Variants in PRDM16 observed in about 807,000 individuals in gnomAD.
The protein encoded by PRDM16 is histone-lysine N-methyltransferase PRDM16.
In PRDM16, 23 loss-of-function variants were observed where a neutral mutation model predicts 110.6. The ratio of observed to expected loss-of-function variants is 0.21; its 90% CI spans 0.15 to 0.29. The LOEUF (loss-of-function observed/expected upper bound fraction) is 0.29, where lower values mean the gene tolerates loss of function less well. Among genes scored for constraint, PRDM16 ranks in the 10% least tolerant of loss-of-function variants. PRDM16 has a pLI of 1.00. For synonymous variants in PRDM16, 799 were observed against 781.8 expected (o/e 1.02, Z -0.37); for missense variants, 1,615 against 1,794.3 (o/e 0.90, Z 1.81).
chr1:3,185,631 T>C (rs913774763), intron 1 of PRDM16, among the ~76,000 whole-genome samples: 2 of 152,242 alleles, frequency 1.3e-5, no homozygotes, highest in African/African-American at 2.4e-5. Flanking sequence ...CCCAGGCACT[T>C]AGGACTTCTG....
chr1:3,087,242 C>T (rs527983451), intron 1 of PRDM16, among the ~76,000 whole-genome samples: 4 of 148,198 alleles, frequency 2.7e-5, no homozygotes, highest in East Asian at 2.0e-4. Context: ...CCAGCCCCAC[C>T]GGAGACCAGC....
intron 8 of PRDM16, among the ~76,000 whole-genome samples, chr1:3,409,030 T>A (rs1178092986): frequency 6.7e-6 from 1 of 150,332 alleles, no homozygotes; most frequent in African/African-American, 2.5e-5. Flanking sequence ...TCAGTGTGTG[T>A]GAGTGTGGGC....
At chr1:3,379,916 G>A (rs370016310) in intron 3 of PRDM16, among the ~76,000 whole-genome samples, 18 of 1,330 alleles carry the variant, frequency 0.014, no homozygotes, top group Admixed American at 0.033. Flanking sequence ...ACCCCTCCCA[G>A]CACACCCCTC....
chr1:3,362,879 A>G (rs79958519), intron 3 of PRDM16, among the ~76,000 whole-genome samples: 2,177 of 152,242 alleles, frequency 0.014, 53 homozygotes, highest in African/African-American at 0.049. Context: ...TCCCTGTAGC[A>G]CACTCTCAGC....
At chr1:3,263,802 C>T (rs1334257673) in intron 3 of PRDM16, among the ~76,000 whole-genome samples, 1 of 152,222 alleles carries the variant, frequency 6.6e-6, no homozygotes, top group East Asian at 1.9e-4. Flanking sequence ...AAGCCTTTGC[C>T]ACCCATTAGA....
At chr1:3,259,921 G>A (rs1409862905) in intron 3 of PRDM16, among the ~76,000 whole-genome samples, 5 of 152,078 alleles carry the variant, frequency 3.3e-5, no homozygotes, top group Non-Finnish European at 7.4e-5. Flanking sequence ...GGGCACCCAG[G>A]ATCTTCCATT....
intron 9 of PRDM16, among the ~76,000 whole-genome samples, chr1:3,413,143 C>T (rs1643722529): frequency 1.3e-5 from 2 of 151,074 alleles, no homozygotes; most frequent in Admixed American, 1.3e-4. Flanking sequence ...CCACCCCAAC[C>T]CACACCCTTC....
rs557456204 is a variant in PRDM16, at chr1:3,314,836, G to A, written c.439-70316G>A. On this transcript the variant is annotated intron_variant, in intron 3 of 16. Coordinates refer to ENST00000270722, the MANE Select transcript of PRDM16 (RefSeq NM_022114.4). ...CTGGCAGACAGATGGGACAGGAAAC[G>A]GGGAGTTTATTTCAGCCTTCGCCCT... Among the ~76,000 whole-genome samples, 33 of 152,244 alleles carry A rather than the reference G, an allele frequency of 2.2e-4. 1 individual carries two copies. Among genetic ancestry groups the A allele is most frequent in the South Asian group, 4.1e-4 (2 of 4,826 alleles).
rs75521996 is a variant in PRDM16, at chr1:3,313,852, C to T, written c.438+69715C>T. Reference sequence around the variant, plus strand: ...CCTTGTAGTGCAGCGAATCTGGACCCGGCCCAGCGTCCAGAGACAGGAAGC... The same window carrying T: ...CCTTGTAGTGCAGCGAATCTGGACCTGGCCCAGCGTCCAGAGACAGGAAGC... On this transcript the variant is annotated intron_variant, in intron 3 of 16. Transcript: ENST00000270722. 4.4e-3 allele frequency among the ~76,000 whole-genome samples: 664 copies of T among 152,364 alleles called. 1 individual carries two copies. Among genetic ancestry groups the T allele is most frequent in the Non-Finnish European group, 7.1e-3 (482 of 68,032 alleles).
chr1:3,398,125 C>T (rs569667689), intron 5 of PRDM16, among the ~76,000 whole-genome samples: 23 of 152,274 alleles, frequency 1.5e-4, no homozygotes, highest in East Asian at 3.9e-4. Context: ...TCTTAGACAG[C>T]GCACAAGAAC....
At chr1:3,114,992 G>C (rs1016995592) in intron 1 of PRDM16, among the ~76,000 whole-genome samples, 2 of 152,264 alleles carry the variant, frequency 1.3e-5, no homozygotes, top group Non-Finnish European at 2.9e-5. Flanking sequence ...CCCCACCCCT[G>C]GCTGGTGACA....
chr1:3,146,154 G>A lies in PRDM16; in HGVS notation c.38-39971G>A, dbSNP rs538983809. 9.2e-5 allele frequency among the ~76,000 whole-genome samples: 14 copies of A among 152,294 alleles called. No homozygotes were observed. The South Asian group carries it at 1.0e-3, about 11-fold the overall frequency. On this transcript the variant is annotated intron_variant, in intron 1 of 16. Transcript: ENST00000270722. ...CTGCACTGCAGACTCTCCAGCCCCC[G>A]CACATTTGGGATATTCTGCCGCCTT... is the stretch of plus-strand genomic sequence containing the variant.
intron 16 of PRDM16, 44 bp downstream of exon 16, chr1:3,432,184 T>TCAGCCAGAGGA (rs1470685658): frequency 2.0e-5 from 31 of 1,566,182 alleles, no homozygotes; most frequent in Non-Finnish European, 2.6e-5. Context: ...CCTGGCCTCC[T>TCAGCCAGAGGA]CAGCCAGAGG....
chr1:3,310,033 CCTT>C (rs1641412035), intron 3 of PRDM16: 1 of 152,216 alleles, frequency 6.6e-6, no homozygotes, highest in Non-Finnish European at 1.5e-5. Flanking sequence ...AGTGGGCATG[CCTT>C]CCTGGGTGCA....
intron 1 of PRDM16, among the ~76,000 whole-genome samples, chr1:3,084,711 A>G (rs1382050671): frequency 6.6e-6 from 1 of 152,118 alleles, no homozygotes. Context: ...ACCCGCTTCA[A>G]AAAACACAGT....
chr1:3,374,615 G>A (rs1278164454), intron 3 of PRDM16, among the ~76,000 whole-genome samples: 2 of 152,138 alleles, frequency 1.3e-5, no homozygotes, highest in African/African-American at 2.4e-5. Context: ...CCTGGGGGCC[G>A]CTGTGCACAT....
In PRDM16 at chr1:3,245,906, C is replaced by T. The variant is rs543422193; in HGVS notation, c.438+1769C>T. ...TTTCCACCCCGATGCGTCCCTGGAC[C>T]GTCTGACATTTTCAAGACGCCCTCC... On this transcript the variant is annotated intron_variant, in intron 3 of 16. Coordinates refer to ENST00000270722, the MANE Select transcript of PRDM16 (RefSeq NM_022114.4). The surrounding 1 kb of genome is among the most constrained non-coding windows in gnomAD (Gnocchi z 4.7). Among the ~76,000 whole-genome samples the T allele has an allele frequency of 3.3e-5, 5 of 152,254 alleles. No homozygotes were observed. The East Asian group carries it at 5.8e-4, about 18-fold the overall frequency.
At chr1:3,178,601 G>A (rs1644117218) in intron 1 of PRDM16, among the ~76,000 whole-genome samples, 1 of 152,170 alleles carries the variant, frequency 6.6e-6, no homozygotes, top group Non-Finnish European at 1.5e-5. Context: ...TTTTCAGAGC[G>A]ATCTTCTCGA....
chr1:3,259,573 C>T (rs1356472546), intron 3 of PRDM16, among the ~76,000 whole-genome samples: 9 of 152,198 alleles, frequency 5.9e-5, no homozygotes, highest in Admixed American at 1.3e-4. Flanking sequence ...AGGCAGTAAG[C>T]GGCAAATCAG....
Sources: gnomAD v4.1 joint callset for allele counts (sites outside exome capture counted in the v4.1 genomes callset) on GRCh38, gnomAD v4.1.1 for gene constraint, Gnocchi (gnomAD v3.1) non-coding constraint, MANE v1.5 for transcripts, NCBI Gene and HGNC (gene_info 2026-07-23, HGNC 2026-07-21) for gene names.